The following PCDH11X variants were observed in gnomAD, a reference collection of about 807,000 sequenced individuals.
PCDH11X encodes the protein protocadherin-11 X-linked.
A neutral mutation model predicts 53.3 loss-of-function variants in PCDH11X; 18 were observed. That is an observed-to-expected ratio of 0.34 (90% CI 0.23 to 0.50). The LOEUF (loss-of-function observed/expected upper bound fraction) is 0.50. PCDH11X is among the 20% of genes least tolerant of loss of function. The probability of loss-of-function intolerance (pLI) is 0.98; values close to 1 mark genes in which losing one functional copy is unlikely to be tolerated. For synonymous variants in PCDH11X, 279 were observed against 393.3 expected (o/e 0.71, Z 3.44); for missense variants, 570 against 1,032.4 (o/e 0.55, Z 6.14).
chrX:91,926,168 G>A (rs1941942944), intron 6 of PCDH11X, among the ~76,000 whole-genome samples: 2 of 107,474 alleles, frequency 1.9e-5, no homozygotes, highest in African/African-American at 6.8e-5. Context: ...GATTATGGAG[G>A]CTTGGTGAGC....
chrX:92,275,182 C>T (rs1315008215), intron 8 of PCDH11X, among the ~76,000 whole-genome samples: 1 of 103,034 alleles, frequency 9.7e-6, no homozygotes, highest in Non-Finnish European at 2.0e-5. Context: ...TAGGCTAAAA[C>T]AGTAAGGTCA....
At chrX:92,594,467 G>C (rs1925362255) in intron 10 of PCDH11X, among the ~76,000 whole-genome samples, 2 of 109,470 alleles carry the variant, frequency 1.8e-5, no homozygotes, top group Non-Finnish European at 3.8e-5. Flanking sequence ...TTCCAGAATT[G>C]TGTGAGATTC....
At chrX:92,228,101 C>A (rs2067003234) in intron 7 of PCDH11X, among the ~76,000 whole-genome samples, 1 of 111,538 alleles carries the variant, frequency 9.0e-6, no homozygotes, top group Non-Finnish European at 1.9e-5. Context: ...GTCTTACCAA[C>A]AATGCAGCCA....
At chrX:92,425,368 A>G (rs1457510270) in intron 9 of PCDH11X, among the ~76,000 whole-genome samples, 1 of 108,190 alleles carries the variant, frequency 9.2e-6, no homozygotes. Flanking sequence ...CAGCCAACAA[A>G]GTTCCCTAAT....
intron 6 of PCDH11X, among the ~76,000 whole-genome samples, chrX:91,902,215 T>C (rs754608639): frequency 1.0e-4 from 11 of 110,480 alleles, no homozygotes; most frequent in African/African-American, 3.6e-4. Context: ...CCACCTACAC[T>C]TCCTCAATTC....
At chrX:92,025,965 G>T (rs934266694) in intron 6 of PCDH11X, among the ~76,000 whole-genome samples, 9 of 110,797 alleles carry the variant, frequency 8.1e-5, no homozygotes, top group Non-Finnish European at 1.5e-4. Flanking sequence ...CAAATATCGC[G>T]TGTTCTCACC....
At chrX:91,965,321 A>C (rs2147895400) in intron 6 of PCDH11X, among the ~76,000 whole-genome samples, 1 of 109,032 alleles carries the variant, frequency 9.2e-6, no homozygotes, top group East Asian at 2.9e-4. Context: ...AGAGTAGAAA[A>C]GTTCATTCAT....
In PCDH11X at chrX:91,863,948, G is replaced by A. The variant is rs187813803; in HGVS notation, c.541-12833G>A. On this transcript the variant is annotated intron_variant, in intron 5 of 10. Transcript: ENST00000682573. ...AACTTTTTGTTGCCGTACTGACTATGTCTTGAAAAGTGGTTGTAGTTATTA... is the reference window on the plus strand; with the variant it reads ...AACTTTTTGTTGCCGTACTGACTATATCTTGAAAAGTGGTTGTAGTTATTA... 2.2e-3 allele frequency among the ~76,000 whole-genome samples: 251 copies of A among 111,851 alleles called. 1 individual carries two copies. The highest frequency in any genetic ancestry group is 7.7e-3 in the African/African-American group (237 of 30,862).
intron 6 of PCDH11X, among the ~76,000 whole-genome samples, chrX:91,940,867 G>A (rs1169002394): frequency 9.2e-6 from 1 of 109,223 alleles, no homozygotes; most frequent in Admixed American, 9.9e-5. Context: ...TATAATATAC[G>A]TGATGTAGGA....
intron 6 of PCDH11X, among the ~76,000 whole-genome samples, chrX:92,152,506 G>A: frequency 9.0e-6 from 1 of 111,639 alleles, no homozygotes; most frequent in Non-Finnish European, 1.9e-5. Context: ...TATGGTGAAA[G>A]GAAGGTCATT....
chrX:92,229,915 A>G (rs570482423), intron 7 of PCDH11X, among the ~76,000 whole-genome samples: 1 of 110,828 alleles, frequency 9.0e-6, no homozygotes, highest in Admixed American at 9.7e-5. Context: ...GGCCACCCTA[A>G]GAAAAGGCCC....
chrX:92,325,151 A>T (rs2148497252), intron 8 of PCDH11X, among the ~76,000 whole-genome samples: 1 of 111,182 alleles, frequency 9.0e-6, no homozygotes, highest in Non-Finnish European at 1.9e-5. Flanking sequence ...TGGAACAAAA[A>T]GATAACTCGT....
intron 6 of PCDH11X, chrX:92,114,185 G>A: frequency 8.8e-7 from 1 of 1,138,604 alleles, no homozygotes; most frequent in East Asian, 3.0e-5. Context: ...AATGCAATCT[G>A]CTGCAGAATC....
rs143489806 is a variant in PCDH11X at position 92,119,488 on chromosome X, C to G, written c.3034-81887C>G. On this transcript the variant is annotated intron_variant, in intron 6 of 10. Transcript: ENST00000682573. Reference sequence around the variant, plus strand: ...GGCAACAAATTACCCATGTCACATACTTTTTGAAGTACATTATTGGGTATA... The same window carrying G: ...GGCAACAAATTACCCATGTCACATAGTTTTTGAAGTACATTATTGGGTATA... Among the ~76,000 whole-genome samples the G allele has an allele frequency of 7.3e-3, 811 of 110,591 alleles. 3 individuals carry two copies. Among genetic ancestry groups the G allele is most frequent in the African/African-American group, 0.025 (773 of 30,417 alleles).
intron 6 of PCDH11X, among the ~76,000 whole-genome samples, chrX:92,081,711 A>AACACAC (rs34848503): frequency 0.023 from 2,277 of 100,798 alleles, 29 homozygotes; most frequent in African/African-American, 0.05. Flanking sequence ...CTGAGCCAAT[A>AACACAC]ACACACACAC....
chrX:92,605,955 G>C (rs1382153478), intron 10 of PCDH11X, among the ~76,000 whole-genome samples: 1 of 110,743 alleles, frequency 9.0e-6, no homozygotes, highest in African/African-American at 3.3e-5. Flanking sequence ...TCTGGAGCTG[G>C]GTGCAGTGGC....
intron 6 of PCDH11X, among the ~76,000 whole-genome samples, chrX:92,032,851 A>ATTT (rs755247253): frequency 8.2e-5 from 8 of 97,967 alleles, no homozygotes; most frequent in African/African-American, 2.6e-4. Context: ...ATGATAAATG[A>ATTT]TTTTTTTTTT....
chrX:92,375,166 A>ATATATATATATT (rs1302181048), intron 8 of PCDH11X, among the ~76,000 whole-genome samples: 7 of 8,258 alleles, frequency 8.5e-4, no homozygotes, highest in East Asian at 3.1e-3. Context: ...ATATATATAT[A>ATATATATATATT]TTTTTTTTTT....
intron 10 of PCDH11X, among the ~76,000 whole-genome samples, chrX:92,600,899 A>C (rs1205734269): frequency 1.9e-5 from 2 of 105,047 alleles, no homozygotes; most frequent in Non-Finnish European, 3.9e-5. Context: ...GATGTGAAAC[A>C]TGCAGTCAAA....
Sources: gnomAD v4.1 joint callset for allele counts (sites outside exome capture counted in the v4.1 genomes callset) on GRCh38, gnomAD v4.1.1 for gene constraint, MANE v1.5 for transcripts, NCBI Gene and HGNC (gene_info 2026-07-23, HGNC 2026-07-21) for gene names.